PTPRD: variants seen among roughly 807,000 people sequenced by gnomAD.
PTPRD encodes the protein protein tyrosine phosphatase receptor type D.
In PTPRD, 34 loss-of-function variants were observed where a neutral mutation model predicts 214.5. The observed-to-expected ratio is 0.16, with a 90% CI of 0.12 to 0.21. The LOEUF is 0.21. Ranked by LOEUF, PTPRD falls within the 10% of genes least tolerant of loss-of-function variation. The pLI is 1.00. For synonymous variants in PTPRD, 1,128 were observed against 845.7 expected, an observed-to-expected ratio of 1.33 and a Z score of -5.79; for missense variants, 2,545 against 2,398.7, an observed-to-expected ratio of 1.06 and a Z score of -1.27.
chr9:9,355,318 A>G (rs538892798), intron 9 of PTPRD, among the ~76,000 whole-genome samples: 40 of 151,848 alleles, frequency 2.6e-4, no homozygotes, highest in Non-Finnish European at 4.3e-4. Context: ...ATGGAGATCC[A>G]TCAAGAGGCT....
intron 14 of PTPRD, among the ~76,000 whole-genome samples, chr9:8,579,783 G>C (rs1019159992): frequency 3.9e-5 from 6 of 152,288 alleles, no homozygotes; most frequent in African/African-American, 9.6e-5. Context: ...AGCTGAAGGA[G>C]TATCATGCAG....
At chr9:10,390,623 T>C (rs1812100376) in intron 2 of PTPRD, among the ~76,000 whole-genome samples, 1 of 151,750 alleles carries the variant, frequency 6.6e-6, no homozygotes, top group Non-Finnish European at 1.5e-5. Flanking sequence ...ATGAAATCAT[T>C]TTCACTTTTT....
chr9:9,315,918 C>T (rs1040282832), intron 9 of PTPRD, among the ~76,000 whole-genome samples: 5 of 141,362 alleles, frequency 3.5e-5, no homozygotes, highest in Admixed American at 3.0e-4. Flanking sequence ...GCTTTTCTTG[C>T]GAATTTTCTC....
intron 6 of PTPRD, among the ~76,000 whole-genome samples, chr9:9,758,008 A>C (rs200385285): frequency 6.6e-6 from 1 of 152,062 alleles, no homozygotes; most frequent in East Asian, 1.9e-4. Context: ...GGATAGTTCC[A>C]CTGCCATATC....
intron 2 of PTPRD, among the ~76,000 whole-genome samples, chr9:10,390,173 T>G (rs146019899): frequency 1.7e-3 from 261 of 151,950 alleles, no homozygotes; most frequent in African/African-American, 6.1e-3. Context: ...TCATTTCATA[T>G]GCTGTATATC....
chr9:10,158,873 T>A (rs1194374110), intron 3 of PTPRD, among the ~76,000 whole-genome samples: 1 of 152,078 alleles, frequency 6.6e-6, no homozygotes, highest in Admixed American at 6.6e-5. Flanking sequence ...GGGCAAAATA[T>A]CCCTAAGGAT....
intron 5 of PTPRD, among the ~76,000 whole-genome samples, chr9:9,855,842 G>A (rs981386636): frequency 6.6e-6 from 1 of 152,168 alleles, no homozygotes; most frequent in Admixed American, 6.5e-5. Context: ...TTTTAGCTCT[G>A]CAGTCCATGG....
intron 10 of PTPRD, among the ~76,000 whole-genome samples, chr9:9,115,250 G>A (rs55741023): frequency 0.031 from 4,778 of 152,228 alleles, 192 homozygotes; most frequent in African/African-American, 0.095. Flanking sequence ...TAATTGTAGA[G>A]GGTTTCATTT....
At chr9:10,430,045 A>G (rs2098662855) in intron 2 of PTPRD, among the ~76,000 whole-genome samples, 1 of 151,986 alleles carries the variant, frequency 6.6e-6, no homozygotes, top group Non-Finnish European at 1.5e-5. Flanking sequence ...ACTTTCTATT[A>G]TATAATAGCT....
At chr9:10,175,300 G>A (rs990161627) in intron 3 of PTPRD, among the ~76,000 whole-genome samples, 1 of 151,926 alleles carries the variant, frequency 6.6e-6, no homozygotes, top group Non-Finnish European at 1.5e-5. Context: ...GAAAATATGA[G>A]GATTAGAAGT....
At chr9:9,967,217 T>G (rs1257933240) in intron 4 of PTPRD, among the ~76,000 whole-genome samples, 1 of 152,166 alleles carries the variant, frequency 6.6e-6, no homozygotes, top group Non-Finnish European at 1.5e-5. Flanking sequence ...AAATTGTAGA[T>G]ATAAAAATAG....
rs1298661344 is a variant in PTPRD at position 10,474,992 on chromosome 9, G to C, written c.-599-133975C>G. On this transcript the variant is annotated intron_variant, in intron 2 of 45. Coordinates refer to ENST00000381196, the MANE Select transcript of PTPRD (RefSeq NM_002839.4). ...TGGGACACAGTTAAATCAGTATGTAGAGGGAAATGTATAGTACTAAATGTC... is the reference window on the plus strand; with the variant it reads ...TGGGACACAGTTAAATCAGTATGTACAGGGAAATGTATAGTACTAAATGTC... Among the ~76,000 whole-genome samples the C allele has an allele frequency of 3.6e-4, 55 of 152,144 alleles. 1 individual carries two copies. Among genetic ancestry groups the C allele is most frequent in the Non-Finnish European group, 1.0e-4 (7 of 68,008 alleles).
At chr9:8,633,576 G>A in intron 13 of PTPRD, 118 bp from the exon 14 acceptor site, 1 of 1,192,026 alleles carries the variant, frequency 8.4e-7, no homozygotes, top group Admixed American at 2.7e-5. Context: ...GCATCATTCT[G>A]AAACTGAATT....
At chr9:10,381,812 T>A (rs1373389001) in intron 2 of PTPRD, among the ~76,000 whole-genome samples, 1 of 151,972 alleles carries the variant, frequency 6.6e-6, no homozygotes, top group Non-Finnish European at 1.5e-5. Context: ...TGGCTTATTA[T>A]AACTGCTAGG....
chr9:9,883,938 T>C (rs1462563257), intron 5 of PTPRD, among the ~76,000 whole-genome samples: 2 of 152,142 alleles, frequency 1.3e-5, no homozygotes, highest in African/African-American at 4.8e-5. Context: ...GAATACTCTA[T>C]GCTTTCAGTG....
chr9:10,289,747 G>A (rs1023943730), intron 3 of PTPRD, among the ~76,000 whole-genome samples: 5 of 152,106 alleles, frequency 3.3e-5, no homozygotes, highest in Non-Finnish European at 5.9e-5. Context: ...TATTCAACAT[G>A]TATTTTAAAG....
chr9:9,076,257 ATTTGTTTAAGTTCT>A (rs1421761701), intron 10 of PTPRD, among the ~76,000 whole-genome samples: 1 of 151,976 alleles, frequency 6.6e-6, no homozygotes, highest in Non-Finnish European at 1.5e-5. Flanking sequence ...TTTCTTGTAA[ATTTGTTTAAGTTCT>A]TTGTAGATTC....
intron 3 of PTPRD, among the ~76,000 whole-genome samples, chr9:10,256,386 G>C (rs1361978466): frequency 1.4e-5 from 2 of 144,260 alleles, no homozygotes; most frequent in African/African-American, 5.3e-5. Context: ...GGACCTGCTT[G>C]AATTACAGCT....
intron 2 of PTPRD, among the ~76,000 whole-genome samples, chr9:10,415,949 C>T (rs538994173): frequency 1.8e-4 from 28 of 151,844 alleles, no homozygotes; most frequent in Non-Finnish European, 3.7e-4. Flanking sequence ...CAGCACAGAG[C>T]CAAGATGCAC....
Sources: gnomAD v4.1 joint callset for allele counts (sites outside exome capture counted in the v4.1 genomes callset) on GRCh38, gnomAD v4.1.1 for gene constraint, MANE v1.5 for transcripts, NCBI Gene and HGNC (gene_info 2026-07-23, HGNC 2026-07-21) for gene names.